The following CHD6 variants were observed in gnomAD, a reference collection of about 807,000 sequenced individuals.
CHD6 encodes the protein chromodomain helicase DNA binding protein 6.
In CHD6, 50 loss-of-function variants were observed where a neutral mutation model predicts 276.9. That is an observed-to-expected ratio of 0.18 (90% CI 0.14 to 0.23). The LOEUF is 0.23. CHD6 is among the 10% of genes least tolerant of loss of function. The pLI is 1.00. For missense variants in CHD6, 2,564 were observed against 3,365.8 expected, an observed-to-expected ratio of 0.76 and a Z score of 5.89; for synonymous variants, 1,173 against 1,229.3, an observed-to-expected ratio of 0.95 and a Z score of 0.96.
At chr20:41,587,863 A>G (rs1165781719) in intron 1 of CHD6, among the ~76,000 whole-genome samples, 1 of 152,174 alleles carries the variant, frequency 6.6e-6, no homozygotes, top group Non-Finnish European at 1.5e-5. Context: ...GCTGGGCAAA[A>G]TAGACTCTCT....
chr20:41,421,263 C>G lies in CHD6; in HGVS notation c.5372G>C (p.Cys1791Ser). The G allele has an allele frequency of 6.2e-7, 1 of 1,614,106 alleles. No individual in the cohort carries two copies. The highest frequency in any genetic ancestry group is 8.5e-7 in the Non-Finnish European group (1 of 1,180,040). Reference sequence around the variant, plus strand: ...AGGTCTCTGTCCTGCCTCACTGCAGCAGAGCTCCCCTTCCTTTGAAATAGA... The same window carrying G: ...AGGTCTCTGTCCTGCCTCACTGCAGGAGAGCTCCCCTTCCTTTGAAATAGA... ...LMSISKEGEL[C>S]CSEAGQRPEN... Residue 1791 changes from cysteine to serine, a missense_variant, in exon 31 of 37, where the codon TGC becomes TCC. Cys to Ser is a moderately radical substitution (Grantham distance 112). This residue lies in a region of CHD6 where 1,024 missense variants were observed against 1,047.9 expected (regional missense o/e 0.98). Coordinates refer to ENST00000373233, the MANE Select transcript of CHD6 (RefSeq NM_032221.5).
Position 41,405,387 on chromosome 20 carries a change from T to C in CHD6, c.7354A>G (p.Lys2452Glu). Residue 2452 changes from lysine (K) to glutamate (E), a missense_variant, in exon 37 of 37, where the codon AAG becomes GAG. Around this residue, in one of 7 missense-constraint regions of CHD6, gnomAD observed 1,024 missense variants for 1,047.9 expected, o/e 0.98. Transcript: ENST00000373233. Reference sequence around the variant, plus strand: ...GAGTCTGCCACAATGGAAGGAGCCTTCAGGAGTTCGCTCCGAGGCCGCCTC... The same window carrying C: ...GAGTCTGCCACAATGGAAGGAGCCTCCAGGAGTTCGCTCCGAGGCCGCCTC... The part of the protein sequence containing the change: ...RGRRPRSELL[K>E]APSIVADSPS... 1 of 1,614,128 alleles carries C rather than the reference T, an allele frequency of 6.2e-7. No homozygotes were observed.
At chr20:41,587,220 C>CA (rs1347120484) in intron 1 of CHD6, among the ~76,000 whole-genome samples, 1 of 152,010 alleles carries the variant, frequency 6.6e-6, no homozygotes, top group East Asian at 1.9e-4. Context: ...AAATAGTGTC[C>CA]AAAAAACATA....
At chr20:41,562,100 T>C (rs1013649903) in intron 1 of CHD6, among the ~76,000 whole-genome samples, 3 of 152,092 alleles carry the variant, frequency 2.0e-5, no homozygotes, top group Non-Finnish European at 2.9e-5. Flanking sequence ...TTCTGTCTCA[T>C]TTACAACAAA....
chr20:41,509,055 A>C (rs1273027837), intron 5 of CHD6, among the ~76,000 whole-genome samples: 2 of 152,142 alleles, frequency 1.3e-5, no homozygotes, highest in African/African-American at 4.8e-5. Flanking sequence ...AATTACAATA[A>C]ATTAAAAAGT....
At chr20:41,410,466 CGGAA>C (rs2046809395) in intron 36 of CHD6, among the ~76,000 whole-genome samples, 2 of 152,138 alleles carry the variant, frequency 1.3e-5, no homozygotes, top group South Asian at 4.2e-4. Flanking sequence ...TTATGGTAGT[CGGAA>C]TGGACTAAGG....
At chr20:41,602,798 T>C (rs745573334) in intron 1 of CHD6, among the ~76,000 whole-genome samples, 3 of 152,034 alleles carry the variant, frequency 2.0e-5, no homozygotes, top group Non-Finnish European at 4.4e-5. Flanking sequence ...CCTCCTACCT[T>C]TGCCTCCTGA....
intron 27 of CHD6, among the ~76,000 whole-genome samples, chr20:41,428,843 C>A (rs972254327): frequency 1.3e-5 from 2 of 152,152 alleles, no homozygotes; most frequent in African/African-American, 2.4e-5. Context: ...CTCGTCTCTA[C>A]AATGGGCATA....
intron 17 of CHD6, among the ~76,000 whole-genome samples, chr20:41,472,643 T>A (rs1600947841): frequency 6.6e-6 from 1 of 152,264 alleles, no homozygotes; most frequent in East Asian, 1.9e-4. Context: ...AGAATGCCAT[T>A]GTTTTTACTT....
intron 16 of CHD6, among the ~76,000 whole-genome samples, chr20:41,480,040 T>C (rs1218541283): frequency 6.6e-6 from 1 of 152,236 alleles, no homozygotes; most frequent in East Asian, 1.9e-4. Context: ...ATCCTGCGAA[T>C]AGATTCCTTA....
intron 15 of CHD6, among the ~76,000 whole-genome samples, chr20:41,484,111 T>C (rs1209078904): frequency 6.6e-6 from 1 of 152,198 alleles, no homozygotes; most frequent in Non-Finnish European, 1.5e-5. Context: ...GCAGAGTACA[T>C]GCTGTGAGGC....
At chr20:41,414,201 A>G (rs1301489649) in intron 34 of CHD6, 1 of 152,242 alleles carries the variant, frequency 6.6e-6, no homozygotes, top group African/African-American at 2.4e-5. Flanking sequence ...TCTAAGAGGA[A>G]GACATAACCC....
At chr20:41,475,503 G>A (rs1378683688) in intron 16 of CHD6, among the ~76,000 whole-genome samples, 1 of 152,142 alleles carries the variant, frequency 6.6e-6, no homozygotes, top group Admixed American at 6.5e-5. Flanking sequence ...AACAGGAGAT[G>A]GAAACAGAAA....
intron 27 of CHD6, among the ~76,000 whole-genome samples, chr20:41,430,513 G>A (rs753403718): frequency 2.0e-5 from 3 of 152,148 alleles, no homozygotes; most frequent in Admixed American, 6.5e-5. Context: ...ACTCTCTATT[G>A]TCTGGACTAC....
At chr20:41,405,719 C>T (rs2046656578) in intron 36 of CHD6, among the ~76,000 whole-genome samples, 1 of 152,176 alleles carries the variant, frequency 6.6e-6, no homozygotes, top group Non-Finnish European at 1.5e-5. Context: ...AACTAGGGCA[C>T]CTGTCACTGC....
At chr20:41,611,066 A>T (rs2045882674) in intron 1 of CHD6, among the ~76,000 whole-genome samples, 1 of 152,236 alleles carries the variant, frequency 6.6e-6, no homozygotes, top group South Asian at 2.1e-4. Flanking sequence ...AAGCCTTACA[A>T]GACACATCTA....
intron 16 of CHD6, among the ~76,000 whole-genome samples, chr20:41,478,400 G>C (rs1300390933): frequency 6.6e-6 from 1 of 152,164 alleles, no homozygotes; most frequent in South Asian, 2.1e-4. Flanking sequence ...GGGCACTGGC[G>C]AGTTAACAAA....
At chr20:41,608,948 G>C (rs961975920) in intron 1 of CHD6, among the ~76,000 whole-genome samples, 1 of 152,228 alleles carries the variant, frequency 6.6e-6, no homozygotes, top group Non-Finnish European at 1.5e-5. Flanking sequence ...AATGGACAGA[G>C]TGTGGTTATT....
intron 3 of CHD6, among the ~76,000 whole-genome samples, chr20:41,532,000 A>G (rs896608524): frequency 1.3e-5 from 2 of 152,238 alleles, no homozygotes; most frequent in African/African-American, 4.8e-5. Flanking sequence ...CTTAGATTTT[A>G]GACATGTAAA....
Sources: gnomAD v4.1 joint callset for allele counts (sites outside exome capture counted in the v4.1 genomes callset) on GRCh38, gnomAD v4.1.1 for gene constraint, gnomAD v4.1.1 regional missense constraint, MANE v1.5 for transcripts, NCBI Gene and HGNC (gene_info 2026-07-23, HGNC 2026-07-21) for gene names.